CTNNA2: variants seen among roughly 807,000 people sequenced by gnomAD.
CTNNA2 encodes the protein catenin alpha-2.
CTNNA2 carries 42 observed loss-of-function variants against 101.0 expected under a neutral mutation model. The observed-to-expected ratio is 0.42, with a 90% CI of 0.32 to 0.54. The LOEUF (loss-of-function observed/expected upper bound fraction) is 0.54, where lower values mean the gene tolerates loss of function less well. Ranked by LOEUF, CTNNA2 falls within the 20% of genes least tolerant of loss-of-function variation. CTNNA2 has a pLI of 0.14. For synonymous variants in CTNNA2, 450 were observed against 456.4 expected (o/e 0.99, Z 0.18); for missense variants, 871 against 1,223.1 (o/e 0.71, Z 4.29).
chr2:80,365,759 TTTAA>T (rs1674869957), intron 7 of CTNNA2, among the ~76,000 whole-genome samples: 1 of 152,116 alleles, frequency 6.6e-6, no homozygotes, highest in Non-Finnish European at 1.5e-5. Context: ...GAAATAATGG[TTTAA>T]TTAGTTTTTA....
chr2:80,009,726 C>G (rs5005789), intron 7 of CTNNA2, among the ~76,000 whole-genome samples: 5 of 147,802 alleles, frequency 3.4e-5, no homozygotes, highest in East Asian at 2.1e-4. Context: ...TGGTGTGTGT[C>G]TGTGTGTGTG....
chr2:79,393,361 C>T (rs144980136), intron 4 of CTNNA2, among the ~76,000 whole-genome samples: 1 of 152,148 alleles, frequency 6.6e-6, no homozygotes, highest in Non-Finnish European at 1.5e-5. Context: ...GGCCTGTGGG[C>T]CAAAATCTGA....
intron 7 of CTNNA2, among the ~76,000 whole-genome samples, chr2:80,297,318 T>C (rs1472268776): frequency 6.6e-6 from 1 of 152,198 alleles, no homozygotes; most frequent in African/African-American, 2.4e-5. Flanking sequence ...CACATCCCAG[T>C]GCTTCCAATC....
intron 6 of CTNNA2, among the ~76,000 whole-genome samples, chr2:79,881,507 G>T (rs1683422681): frequency 1.3e-5 from 2 of 152,094 alleles, no homozygotes; most frequent in Admixed American, 1.3e-4. Flanking sequence ...TGTATTGGGT[G>T]CATATATATT....
chr2:80,644,507 A>G (rs983521408), intron 18 of CTNNA2, among the ~76,000 whole-genome samples: 15 of 152,250 alleles, frequency 9.9e-5, no homozygotes, highest in African/African-American at 3.6e-4. Context: ...GTTTTAGCCA[A>G]CCTTGCCAAT....
chr2:80,340,477 A>G (rs1672126416), intron 7 of CTNNA2, among the ~76,000 whole-genome samples: 1 of 152,110 alleles, frequency 6.6e-6, no homozygotes, highest in African/African-American at 2.4e-5. Flanking sequence ...ATTTTCTTTA[A>G]TCTTCATAAT....
At chr2:79,504,421 C>G (rs549163990) in intron 4 of CTNNA2, among the ~76,000 whole-genome samples, 1 of 152,234 alleles carries the variant, frequency 6.6e-6, no homozygotes, top group South Asian at 2.1e-4. Flanking sequence ...TCCCAAGTAG[C>G]TGGGACTACA....
At chr2:79,685,789 A>G (rs1258407248) in intron 2 of CTNNA2, among the ~76,000 whole-genome samples, 9 of 152,210 alleles carry the variant, frequency 5.9e-5, no homozygotes, top group Admixed American at 5.9e-4. Flanking sequence ...CTAAAAGAGT[A>G]AATAGGAACT....
chr2:79,677,089 C>G (rs1021408242), intron 2 of CTNNA2, among the ~76,000 whole-genome samples: 8 of 152,276 alleles, frequency 5.3e-5, no homozygotes, highest in Admixed American at 2.0e-4. Flanking sequence ...ACCCAACTAA[C>G]TTTTGGATTT....
At chr2:80,624,609 C>T (rs1335892637) in intron 18 of CTNNA2, among the ~76,000 whole-genome samples, 1 of 151,988 alleles carries the variant, frequency 6.6e-6, no homozygotes, top group African/African-American at 2.4e-5. Context: ...AATTGCTTTG[C>T]ATACAACGTA....
At position 79,460,393 on chromosome 2, in the gene CTNNA2, A is replaced by T. The variant is rs1670866221; in HGVS notation, c.-134-44661A>T. Among the ~76,000 whole-genome samples the T allele has an allele frequency of 2.0e-5, 3 of 152,184 alleles. No homozygotes were observed. In the South Asian group the frequency reaches 6.2e-4, roughly 32 times the overall value. Reference sequence around the variant, plus strand: ...TTTTTGAATATCCCTTTTGGTTCCAACATCAATTTGATCACTTAGTCCAGA... The same window carrying T: ...TTTTTGAATATCCCTTTTGGTTCCATCATCAATTTGATCACTTAGTCCAGA... On this transcript the variant is annotated intron_variant, in intron 4 of 21. Coordinates refer to the CTNNA2 transcript ENST00000466387.
chr2:80,054,717 A>G (rs1385077094), intron 7 of CTNNA2, among the ~76,000 whole-genome samples: 1 of 152,146 alleles, frequency 6.6e-6, no homozygotes, highest in Non-Finnish European at 1.5e-5. Context: ...GCAAAAGTGG[A>G]GGACCTGAGG....
intron 7 of CTNNA2, among the ~76,000 whole-genome samples, chr2:80,333,503 A>G (rs1224768143): frequency 1.3e-4 from 20 of 152,230 alleles, no homozygotes; most frequent in Admixed American, 6.5e-5. Flanking sequence ...ACACATTCGT[A>G]TAAGAGGATT....
upstream of CTNNA2, among the ~76,000 whole-genome samples, chr2:79,511,276 A>G (rs1671532589): frequency 6.6e-6 from 1 of 152,084 alleles, no homozygotes; most frequent in Non-Finnish European, 1.5e-5. Flanking sequence ...ACATCTTACC[A>G]CATCAGGGAC....
intron 4 of CTNNA2, among the ~76,000 whole-genome samples, chr2:79,412,556 C>G (rs62159393): frequency 6.6e-6 from 1 of 151,468 alleles, no homozygotes; most frequent in Non-Finnish European, 1.5e-5. Context: ...TCTCAGACCA[C>G]AGTGCAATCA....
chr2:80,105,738 A>G (rs1235767052), intron 7 of CTNNA2, among the ~76,000 whole-genome samples: 6 of 152,164 alleles, frequency 3.9e-5, no homozygotes, highest in Non-Finnish European at 7.3e-5. Context: ...TGTCTCAAAA[A>G]AAAAAAAGAT....
intron 7 of CTNNA2, among the ~76,000 whole-genome samples, chr2:80,131,967 G>T (rs1702441244): frequency 6.6e-6 from 1 of 152,120 alleles, no homozygotes; most frequent in Non-Finnish European, 1.5e-5. Flanking sequence ...TGTAATCCTA[G>T]CTACTCGGGA....
intron 9 of CTNNA2, among the ~76,000 whole-genome samples, chr2:80,438,912 C>A (rs1035416725): frequency 6.6e-6 from 1 of 152,188 alleles, no homozygotes; most frequent in African/African-American, 2.4e-5. Flanking sequence ...TCGACCACTC[C>A]TTTTTATGCT....
At chr2:80,316,004 C>G (rs1678086440) in intron 7 of CTNNA2, among the ~76,000 whole-genome samples, 1 of 152,122 alleles carries the variant, frequency 6.6e-6, no homozygotes, top group Admixed American at 6.5e-5. Flanking sequence ...GATTCATAAG[C>G]CCGCTAAGGT....
Sources: gnomAD v4.1 joint callset for allele counts (sites outside exome capture counted in the v4.1 genomes callset) on GRCh38, gnomAD v4.1.1 for gene constraint, MANE v1.5 for transcripts, NCBI Gene and HGNC (gene_info 2026-07-23, HGNC 2026-07-21) for gene names.